The following KLHL34 variants were observed in gnomAD, a reference collection of about 807,000 sequenced individuals.
KLHL34 encodes the protein kelch-like protein 34.
A neutral mutation model predicts 23.8 loss-of-function variants in KLHL34; 24 were observed. The observed-to-expected ratio is 1.01, with a 90% CI of 0.73 to 1.42. KLHL34 has a LOEUF of 1.42. KLHL34 is among the 40% of genes most tolerant of loss of function. KLHL34 has a pLI of 0.00. For missense variants in KLHL34, 652 were observed against 595.1 expected (o/e 1.10, Z -0.99); for synonymous variants, 303 against 287.9 (o/e 1.05, Z -0.53).
Position 21,657,282 on chromosome X carries a change from C to A in KLHL34, c.507G>T (p.Ala169=). 1.7e-6 allele frequency: 2 copies of A among 1,152,008 alleles called. No homozygotes were observed. Among genetic ancestry groups the A allele is most frequent in the Non-Finnish European group, 2.3e-6 (2 of 869,233 alleles). 94.9% of individuals were successfully genotyped at this position (1,152,008 alleles called of 1,213,427 possible). A position where few individuals can be genotyped will look rare whatever the true frequency, so the allele number is the denominator to read the frequency against. ...QELLARGAGP[A]GLLELNPTSL... is the part of the protein sequence containing the mutation. ...ATGTAGGGTTGAGCTCCAGGAGTCC[C>A]GCGGGGCCCGCGCCCCGCGCCAGCA... The change falls in exon 1 of 1, where the codon GCG becomes GCT. Residue 169 remains alanine (A), a synonymous_variant. Coordinates refer to ENST00000379499, the MANE Select transcript of KLHL34 (RefSeq NM_153270.3).
At position 21,656,622 on chromosome X, in the gene KLHL34, C is replaced by CCG; in HGVS notation, c.1165_1166dup (p.Val390GlyfsTer204). ...AACGGTGCACTTGGGCCGTGACCAC[C>CCG]CGCGAGTCGTCGGCCAGGGGAGAGG... On this transcript the variant is annotated frameshift_variant, in exon 1 of 1. Transcript: ENST00000379499. LOFTEE classifies it high-confidence loss of function. 8.3e-7 allele frequency: 1 copy of CCG among 1,210,647 alleles called. No individual in the cohort carries two copies. The highest frequency in any genetic ancestry group is 1.1e-6 in the Non-Finnish European group (1 of 895,255).
In KLHL34 at chrX:21,657,974, CCT is replaced by C; in HGVS notation, c.-188_-187del. 1.6e-6 allele frequency: 1 copy of C among 626,110 alleles called. No individual in the cohort carries two copies. Among genetic ancestry groups the C allele is most frequent in the Non-Finnish European group, 2.3e-6 (1 of 435,824 alleles). 51.6% of individuals were successfully genotyped at this position (626,110 alleles called of 1,213,427 possible). On this transcript the variant is annotated 5_prime_UTR_variant, in exon 1 of 1. It introduces an in-frame stop codon into an upstream open reading frame of the 5' UTR. Transcript: ENST00000379499. ...CCAGACCTGCAGATCGCCCAGTGCC[CCT>C]CTCAGAGCAAATCCAGTCTGGAAAC...
rs1438276435 is a variant in KLHL34 at position 21,657,646 on chromosome X, G to A, written c.143C>T (p.Ala48Val). ...SEFPAHRSLL[A>V]CSSDYFRALF... ...GGCCCTGAAGTAGTCACTGGAGCAC[G>A]CCAGGAGCGACCTGTGCGCCGGGAA... Residue 48 changes from alanine (A) to valine (V), a missense_variant, in exon 1 of 1, where the codon GCG becomes GTG. Transcript: ENST00000379499. The A allele has an allele frequency of 8.3e-7, 1 of 1,206,615 alleles. No individual in the cohort carries two copies. Among genetic ancestry groups the A allele is most frequent in the Non-Finnish European group, 1.1e-6 (1 of 894,776 alleles).
rs1457477036 is a variant in KLHL34 at position 21,657,407 on chromosome X, G to A, written c.382C>T (p.Pro128Ser). The A allele has an allele frequency of 1.7e-6, 2 of 1,181,848 alleles. No homozygotes were observed. Among genetic ancestry groups the A allele is most frequent in the Non-Finnish European group, 2.3e-6 (2 of 880,933 alleles). ...TTGGCGGCGAAGCAGCAGTTCTCTGGAGCCAGCTGGCGCTCCAAGTAGCGC... is the reference window on the plus strand; with the variant it reads ...TTGGCGGCGAAGCAGCAGTTCTCTGAAGCCAGCTGGCGCTCCAAGTAGCGC... The part of the protein sequence containing the change: ...CGRYLERQLA[P>S]ENCCFAANVA... Residue 128 changes from proline (P) to serine (S), a missense_variant, in exon 1 of 1, where the codon CCA becomes TCA. Coordinates refer to ENST00000379499, the MANE Select transcript of KLHL34 (RefSeq NM_153270.3).
At position 21,657,370 on chromosome X, in the gene KLHL34, C is replaced by G. The variant is rs367621290; in HGVS notation, c.419G>C (p.Arg140Pro). 4 of 1,162,859 alleles carry G rather than the reference C, an allele frequency of 3.4e-6. No homozygotes were observed. Among genetic ancestry groups the G allele is most frequent in the Non-Finnish European group, 4.6e-6 (4 of 870,806 alleles). ...GTCCAGCGTGTGAGCCAGGCCAAAG[C>G]GCGCTGCCACGTTGGCGGCGAAGCA... ...NCCFAANVAA[R>P]FGLAHTLDAA... The change falls in exon 1 of 1, where the codon CGC becomes CCC. Residue 140 changes from arginine (R) to proline (P), a missense_variant. Transcript: ENST00000379499.
chrX:21,656,346 G>GC lies in KLHL34; in HGVS notation c.1442dup (p.Lys482GlnfsTer21), dbSNP rs776682135. The GC allele has an allele frequency of 1.7e-6, 2 of 1,199,081 alleles. No individual in the cohort carries two copies. ...CTCCGCCCTCGCCTCTCCCTGCCTT[G>GC]CCCCCCGAGATGTACACAACACCGC... is the stretch of plus-strand genomic sequence containing the variant. On this transcript the variant is annotated frameshift_variant, in exon 1 of 1. Coordinates refer to ENST00000379499, the MANE Select transcript of KLHL34 (RefSeq NM_153270.3). LOFTEE classifies it high-confidence loss of function.
At position 21,657,855 on chromosome X, in the gene KLHL34, G is replaced by C; in HGVS notation, c.-67C>G. ...GCTGGGCAGGGCCGGAGGCATCCCG[G>C]GGCACAACACTCCCGGGACCCCCGC... On this transcript the variant is annotated 5_prime_UTR_variant, in exon 1 of 1. Coordinates refer to ENST00000379499, the MANE Select transcript of KLHL34 (RefSeq NM_153270.3). 2 of 1,139,388 alleles carry C rather than the reference G, an allele frequency of 1.8e-6. No individual in the cohort carries two copies. The highest frequency in any genetic ancestry group is 2.3e-6 in the Non-Finnish European group (2 of 861,070). The allele number at this position is 1,139,388 out of a possible 1,213,427, so 93.9% of individuals were successfully genotyped here.
At position 21,656,128 on chromosome X, in the gene KLHL34, A is replaced by T; in HGVS notation, c.1661T>A (p.Leu554Ter). ...GAAGCGGTCGTAGGGCAGCGGCCGC[A>T]ACCGAGTCCACTGGTCGGCGCCGGG... ...YDPGADQWTRLRPLPYDRFCY... is the reference protein window; with the variant it reads ...YDPGADQWTR The change falls in exon 1 of 1, where the codon TTG becomes TAG. Residue 554 changes from leucine (L) to a stop codon, truncating the protein, a stop_gained. Transcript: ENST00000379499. LOFTEE classifies it high-confidence loss of function. 5 of 1,177,745 alleles carry T rather than the reference A, an allele frequency of 4.2e-6. No homozygotes were observed. Among genetic ancestry groups the T allele is most frequent in the Non-Finnish European group, 5.7e-6 (5 of 877,336 alleles).
Position 21,656,336 on chromosome X carries a change from TC to T in KLHL34, c.1452del (p.Arg485GlufsTer108). 8.5e-7 allele frequency: 1 copy of T among 1,177,422 alleles called. No individual in the cohort carries two copies. ...GVVYISGGKA[G>X]RGEGGASSLR... ...AGGCTGCTCGCTCCGCCCTCGCCTC[TC>T]CCTGCCTTGCCCCCCGAGATGTACA... is the stretch of plus-strand genomic sequence containing the variant. On this transcript the variant is annotated frameshift_variant, in exon 1 of 1. Transcript: ENST00000379499. LOFTEE classifies it high-confidence loss of function.
chrX:21,656,242 C>T lies in KLHL34; in HGVS notation c.1547G>A (p.Arg516His). 1 of 1,199,328 alleles carries T rather than the reference C, an allele frequency of 8.3e-7. No homozygotes were observed. The highest frequency in any genetic ancestry group is 1.1e-6 in the Non-Finnish European group (1 of 889,426). Residue 516 changes from arginine to histidine, a missense_variant, in exon 1 of 1, where the codon CGT (arginine) becomes CAT (histidine). By Grantham distance (29) the Arg-to-His change is conservative. Transcript: ENST00000379499. ...WSKKAPMGTARFGHHMAVLRG... is the reference protein window; with the variant it reads ...WSKKAPMGTAHFGHHMAVLRG... ...CAGCACTGCCATGTGGTGCCCGAAA[C>T]GTGCGGTGCCCATGGGTGCCTTCTT...
rs1157134449 is a variant in KLHL34, at chrX:21,655,468, CTT to C, written c.*384_*385del. The C allele has an allele frequency of 3.1e-4, 21 of 66,721 alleles. No individual in the cohort carries two copies. Among genetic ancestry groups the C allele is most frequent in the East Asian group, 8.8e-4 (2 of 2,274 alleles). The allele number at this position is 66,721 out of a possible 1,213,427, so 5.5% of individuals were successfully genotyped here. A position where few individuals can be genotyped will look rare whatever the true frequency, so the allele number is the denominator to read the frequency against. ...AACTTCCTGTGGTACATTTTTTGGC[CTT>C]TTTTTTTTTTTTTTTTTTTTGGCAC... On this transcript the variant is annotated 3_prime_UTR_variant, in exon 1 of 1. Coordinates refer to ENST00000379499, the MANE Select transcript of KLHL34 (RefSeq NM_153270.3).
chrX:21,655,810 C>A lies in KLHL34; in HGVS notation c.*44G>T, dbSNP rs2092730987. On this transcript the variant is annotated 3_prime_UTR_variant, in exon 1 of 1. Coordinates refer to ENST00000379499, the MANE Select transcript of KLHL34 (RefSeq NM_153270.3). ...CCGTTGCTCTGTAAGACTAACCAAGCGCGACTTTCTCCTCCATTGCGGAAG... is the reference window on the plus strand; with the variant it reads ...CCGTTGCTCTGTAAGACTAACCAAGAGCGACTTTCTCCTCCATTGCGGAAG... 1 of 1,132,260 alleles carries A rather than the reference C, an allele frequency of 8.8e-7. No individual in the cohort carries two copies. The highest frequency in any genetic ancestry group is 1.2e-6 in the Non-Finnish European group (1 of 856,304). The allele number at this position is 1,132,260 out of a possible 1,213,427, so 93.3% of individuals were successfully genotyped here.
At position 21,656,222 on chromosome X, in the gene KLHL34, C is replaced by T. The variant is rs770945037; in HGVS notation, c.1567G>A (p.Val523Met). 1 of 1,190,360 alleles carries T rather than the reference C, an allele frequency of 8.4e-7. No homozygotes were observed. Among genetic ancestry groups the T allele is most frequent in the Non-Finnish European group, 1.1e-6 (1 of 885,368 alleles). Residue 523 changes from valine (V) to methionine (M), a missense_variant, in exon 1 of 1, where the codon GTG becomes ATG. Coordinates refer to ENST00000379499, the MANE Select transcript of KLHL34 (RefSeq NM_153270.3). ...AAAGCAAACACAGCGCCGCGCAGCA[C>T]TGCCATGTGGTGCCCGAAACGTGCG... ...GTARFGHHMA[V>M]LRGAVFAFLG...
rs1464771579 is a variant in KLHL34 at position 21,657,095 on chromosome X, C to G, written c.694G>C (p.Val232Leu). 1 of 1,205,614 alleles carries G rather than the reference C, an allele frequency of 8.3e-7. No homozygotes were observed. The highest frequency in any genetic ancestry group is 1.8e-5 in the South Asian group (1 of 56,320). Reference protein sequence around the residue: ...RVRFGLVPADVLRRVYSGSGL... With the variant: ...RVRFGLVPADLLRRVYSGSGL... ...GAGCCCGAGTACACGCGCCGCAGTACGTCGGCGGGAACCAGGCCAAAGCGG... is the reference window on the plus strand; with the variant it reads ...GAGCCCGAGTACACGCGCCGCAGTAGGTCGGCGGGAACCAGGCCAAAGCGG... Residue 232 changes from valine (V) to leucine (L), a missense_variant, in exon 1 of 1, where the codon GTA (valine) becomes CTA (leucine). Val to Leu is a conservative substitution (Grantham distance 32). Transcript: ENST00000379499.
At position 21,655,917 on chromosome X, in the gene KLHL34, G is replaced by A. The variant is rs1184493895; in HGVS notation, c.1872C>T (p.Ala624=). 1.7e-6 allele frequency: 2 copies of A among 1,207,734 alleles called. No individual in the cohort carries two copies. The highest frequency in any genetic ancestry group is 3.0e-5 in the East Asian group (1 of 33,714). ...CCTCCCTCTCGTCGTCCCCACCCTC[G>A]GCCAGCTGCAGCACTGCGCACCGCA... ...SGLRCAVLQL[A]EGGDDEREGE... Residue 624 remains alanine, a synonymous_variant, in exon 1 of 1, where the codon GCC becomes GCT. Coordinates refer to ENST00000379499, the MANE Select transcript of KLHL34 (RefSeq NM_153270.3).
In KLHL34 at chrX:21,655,842, G is replaced by C. The variant is rs757205780; in HGVS notation, c.*12C>G. 1.4e-5 allele frequency: 16 copies of C among 1,163,908 alleles called. No homozygotes were observed. Among genetic ancestry groups the C allele is most frequent in the Non-Finnish European group, 1.8e-5 (16 of 870,076 alleles). On this transcript the variant is annotated 3_prime_UTR_variant, in exon 1 of 1. Coordinates refer to ENST00000379499, the MANE Select transcript of KLHL34 (RefSeq NM_153270.3). ...TTCTCCTCCATTGCGGAAGGAAACCGGACTGACCCATTCAGCCCAGCACCA... is the reference window on the plus strand; with the variant it reads ...TTCTCCTCCATTGCGGAAGGAAACCCGACTGACCCATTCAGCCCAGCACCA...
Position 21,656,630 on chromosome X carries a change from C to T in KLHL34, c.1159G>A (p.Asp387Asn). 2 of 1,210,870 alleles carry T rather than the reference C, an allele frequency of 1.7e-6. No individual in the cohort carries two copies. The highest frequency in any genetic ancestry group is 2.2e-6 in the Non-Finnish European group (2 of 895,326). ...SGSASSPLADDSRVVTAQVHR... is the reference protein window; with the variant it reads ...SGSASSPLADNSRVVTAQVHR... The stretch of plus-strand genomic sequence containing the variant: ...ACTTGGGCCGTGACCACCCGCGAGT[C>T]GTCGGCCAGGGGAGAGGATGCACTG... Residue 387 changes from aspartate (D) to asparagine (N), a missense_variant, in exon 1 of 1, where the codon GAC becomes AAC. Physicochemically the swap from Asp to Asn is conservative, Grantham distance 23. Transcript: ENST00000379499.
In KLHL34 at chrX:21,656,762, T is replaced by A. The variant is rs750452409; in HGVS notation, c.1027A>T (p.Asn343Tyr). 1 of 1,196,017 alleles carries A rather than the reference T, an allele frequency of 8.4e-7. No homozygotes were observed. The highest frequency in any genetic ancestry group is 2.2e-5 in the Admixed American group (1 of 45,060). The change falls in exon 1 of 1, where the codon AAT becomes TAT. Residue 343 changes from asparagine to tyrosine, a missense_variant. By Grantham distance (143) the Asn-to-Tyr change is moderately radical. Transcript: ENST00000379499. ...TQNVVAFDVYNHRWRSLTQLP... is the reference protein window; with the variant it reads ...TQNVVAFDVYYHRWRSLTQLP... The stretch of plus-strand genomic sequence containing the variant: ...TGCGTAAGGCTGCGCCAGCGGTGAT[T>A]GTACACATCGAAGGCCACCACGTTC...
chrX:21,656,862 G>C lies in KLHL34; in HGVS notation c.927C>G (p.Val309=). The stretch of plus-strand genomic sequence containing the variant: ...CTTCTTCCTCGGGCTCTGGGGCGGC[G>C]ACCTGGCCCCTAGCTGCCCTCTGCG... The part of the protein sequence containing the change: ...AAPQRAARGQ[V]AAPEPEEEEE... The change falls in exon 1 of 1, where the codon GTC becomes GTG. Residue 309 remains valine, a synonymous_variant. Transcript: ENST00000379499. The C allele has an allele frequency of 8.4e-7, 1 of 1,184,457 alleles. No individual in the cohort carries two copies. The highest frequency in any genetic ancestry group is 1.1e-6 in the Non-Finnish European group (1 of 882,069).
Sources: gnomAD v4.1 joint callset for allele counts on GRCh38, gnomAD v4.1.1 for gene constraint, MANE v1.5 for transcripts, NCBI Gene and HGNC (gene_info 2026-07-23, HGNC 2026-07-21) for gene names.